Variants in ZNF646 observed in about 807,000 individuals in gnomAD.
The protein encoded by ZNF646 is zinc finger protein 646.
A neutral mutation model predicts 115.4 loss-of-function variants in ZNF646; 49 were observed. That is an observed-to-expected ratio of 0.42 (90% CI 0.34 to 0.54). ZNF646 has a LOEUF of 0.54. Among genes scored for constraint, ZNF646 ranks in the 20% least tolerant of loss-of-function variants. ZNF646 has a pLI of 0.04. For missense variants in ZNF646, 2,269 were observed against 2,457.9 expected (o/e 0.92, Z 1.62); for synonymous variants, 933 against 939.0 (o/e 0.99, Z 0.12).
chr16:31,080,461 G>C lies in ZNF646; in HGVS notation c.4137G>C (p.Leu1379Phe). Residue 1379 changes from leucine to phenylalanine, a missense_variant, in exon 2 of 3, where the codon TTG becomes TTC. By Grantham distance (22) the Leu-to-Phe change is conservative. Transcript: ENST00000300850. ...GCAGCTTCCCTGGCCGGGGATCTTT[G>C]GAGCGGCACCTGCGGGAGCATGAGG... ...CGRSFPGRGSLERHLREHEET... is the reference protein window; with the variant it reads ...CGRSFPGRGSFERHLREHEET... 6.2e-7 allele frequency: 1 copy of C among 1,613,446 alleles called. No homozygotes were observed. Among genetic ancestry groups the C allele is most frequent in the Non-Finnish European group, 8.5e-7 (1 of 1,179,960 alleles).
At position 31,081,375 on chromosome 16, in the gene ZNF646, G is replaced by A. The variant is rs747720125; in HGVS notation, c.5051G>A (p.Arg1684His). The change falls in exon 2 of 3, where the codon CGC (arginine) becomes CAC (histidine). Residue 1684 changes from arginine (R) to histidine (H), a missense_variant. By Grantham distance (29) the Arg-to-His change is conservative. Around this residue, in one of 5 missense-constraint regions of ZNF646, gnomAD observed 1,062 missense variants for 1,172.8 expected, o/e 0.91. Coordinates refer to ENST00000300850, the MANE Select transcript of ZNF646 (RefSeq NM_014699.4). The stretch of plus-strand genomic sequence containing the variant: ...CCCTTCCGCTGCACCCAGTGCGGGC[G>A]CTCCTACCGCCATGCTGGCAGCCTG... ...ERPFRCTQCG[R>H]SYRHAGSLLN... 1.2e-6 allele frequency: 2 copies of A among 1,612,590 alleles called. No individual in the cohort carries two copies. The highest frequency in any genetic ancestry group is 1.1e-5 in the South Asian group (1 of 91,044).
Position 31,083,184 on chromosome 16 carries a change from C to G in ZNF646, c.*92C>G. 4.0e-6 allele frequency: 6 copies of G among 1,500,650 alleles called. No homozygotes were observed. The highest frequency in any genetic ancestry group is 5.3e-6 in the Non-Finnish European group (6 of 1,122,988). The allele number at this position is 1,500,650 out of a possible 1,614,324, so 93.0% of individuals were successfully genotyped here. ...ATTTTCTCAGGAGTAGTTCGGGCAT[C>G]CCCATATCTTCTCCTCTCCCCTTGT... On this transcript the variant is annotated 3_prime_UTR_variant, in exon 3 of 3. Coordinates refer to ENST00000300850, the MANE Select transcript of ZNF646 (RefSeq NM_014699.4).
In ZNF646 at chr16:31,083,950, C is replaced by G; in HGVS notation, c.*858C>G. ...ACTGAGGCTCAAAGCGGTTGAGCAG[C>G]CTGCTCCAAGTCACACGATGACAAA... is the stretch of plus-strand genomic sequence containing the variant. On this transcript the variant is annotated 3_prime_UTR_variant, in exon 3 of 3. Coordinates refer to ENST00000300850, the MANE Select transcript of ZNF646 (RefSeq NM_014699.4). The G allele has an allele frequency of 7.9e-6, 12 of 1,519,198 alleles. No individual in the cohort carries two copies. Among genetic ancestry groups the G allele is most frequent in the Non-Finnish European group, 1.1e-5 (12 of 1,129,534 alleles). The allele number at this position is 1,519,198 out of a possible 1,614,324, so 94.1% of individuals were successfully genotyped here. A position where few individuals can be genotyped will look rare whatever the true frequency, so the allele number is the denominator to read the frequency against.
At position 31,079,027 on chromosome 16, in the gene ZNF646, C is replaced by T. The variant is rs748196292; in HGVS notation, c.2703C>T (p.Arg901=). ...PGRAGYRLHR[R]QAHSSSGMTE... ...GGGCTGGCTACAGGCTTCACCGGCG[C>T]CAGGCCCACAGCTCCTCTGGCATGA... The change falls in exon 2 of 3, where the codon CGC becomes CGT. Residue 901 remains arginine, a synonymous_variant. Transcript: ENST00000300850. The surrounding 1 kb of genome is among the most constrained non-coding windows in gnomAD (Gnocchi z 5.5). 2 of 1,586,444 alleles carry T rather than the reference C, an allele frequency of 1.3e-6. No homozygotes were observed. The highest frequency in any genetic ancestry group is 2.3e-5 in the South Asian group (2 of 88,034).
Position 31,078,141 on chromosome 16 carries a change from G to T in ZNF646, c.1817G>T (p.Arg606Ile). The T allele has an allele frequency of 6.2e-7, 1 of 1,614,088 alleles. No individual in the cohort carries two copies. Among genetic ancestry groups the T allele is most frequent in the South Asian group, 1.1e-5 (1 of 91,080 alleles). Residue 606 changes from arginine (R) to isoleucine (I), a missense_variant, in exon 2 of 3, where the codon AGA becomes ATA. Physicochemically the swap from Arg to Ile is moderately conservative, Grantham distance 97 (BLOSUM62 -3). Around this residue, in one of 5 missense-constraint regions of ZNF646, gnomAD observed 852 missense variants for 900.2 expected, o/e 0.95. Transcript: ENST00000300850. ...GGGGCAGGGGAAAAGGAAAATAGCA[G>T]AACAGAGACCACAATGTCACCTCCT... ...THGAGEKENSRTETTMSPPRA... is the reference protein window; with the variant it reads ...THGAGEKENSITETTMSPPRA...
At chr16:31,073,399 A>G (rs994598481), upstream of ZNF646, 7 of 151,988 alleles carry the variant, frequency 4.6e-5, no homozygotes, top group African/African-American at 1.5e-4. Context: ...GACCCCCGGG[A>G]CCACACCGCG....
chr16:31,077,906 G>A lies in ZNF646; in HGVS notation c.1582G>A (p.Gly528Ser). 6.2e-7 allele frequency: 1 copy of A among 1,613,688 alleles called. No individual in the cohort carries two copies. Among genetic ancestry groups the A allele is most frequent in the Non-Finnish European group, 8.5e-7 (1 of 1,180,000 alleles). Residue 528 changes from glycine (G) to serine (S), a missense_variant, in exon 2 of 3, where the codon GGT (glycine) becomes AGT (serine). This residue lies in a region of ZNF646 where 852 missense variants were observed against 900.2 expected (regional missense o/e 0.95). Transcript: ENST00000300850. ...ARRSADIGAEGAPSHLKVELP... is the reference protein window; with the variant it reads ...ARRSADIGAESAPSHLKVELP... ...CCGAAGTGCAGACATCGGGGCTGAG[G>A]GTGCCCCCAGCCACCTCAAGGTAGA...
At chr16:31,082,022 C>T (rs1331118723) in intron 2 of ZNF646, 2 of 439,272 alleles carry the variant, frequency 4.6e-6, no homozygotes, top group Non-Finnish European at 8.3e-6. Flanking sequence ...CACTGGGTAC[C>T]CCCTGGCTGC....
At position 31,077,329 on chromosome 16, in the gene ZNF646, G is replaced by A. The variant is rs760118160; in HGVS notation, c.1005G>A (p.Gly335=). The A allele has an allele frequency of 7.4e-6, 12 of 1,613,314 alleles. No homozygotes were observed. The South Asian group carries it at 1.2e-4, about 16-fold the overall frequency. The change falls in exon 2 of 3, where the codon GGG becomes GGA. Residue 335 remains glycine (G), a synonymous_variant. Coordinates refer to ENST00000300850, the MANE Select transcript of ZNF646 (RefSeq NM_014699.4). Reference sequence around the variant, plus strand: ...AGAAAGGGATGCCCACCACCAATGGGCACACAGATGAGAGCAGCCAGGACC... The same window carrying A: ...AGAAAGGGATGCCCACCACCAATGGACACACAGATGAGAGCAGCCAGGACC... ...WEEKGMPTTN[G]HTDESSQDQL...
At chr16:31,075,908 A>T (rs1360240230) in intron 1 of ZNF646, 1 of 164,452 alleles carries the variant, frequency 6.1e-6, no homozygotes, top group African/African-American at 2.4e-5. Flanking sequence ...TAGGGAGCAG[A>T]TTCCTACTGT....
Position 31,076,786 on chromosome 16 carries a change from T to A in ZNF646, c.462T>A (p.Pro154=), listed in dbSNP as rs1236823206. ...TEETPDCESV[P]DPRAASGTWE... is the part of the protein sequence containing the mutation. ...AGACACCTGACTGTGAATCTGTACCTGACCCCAGGGCAGCTTCGGGTACGT... is the reference window on the plus strand; with the variant it reads ...AGACACCTGACTGTGAATCTGTACCAGACCCCAGGGCAGCTTCGGGTACGT... Residue 154 remains proline (P), a synonymous_variant, in exon 2 of 3, where the codon CCT becomes CCA. Coordinates refer to ENST00000300850, the MANE Select transcript of ZNF646 (RefSeq NM_014699.4). 6.2e-7 allele frequency: 1 copy of A among 1,613,838 alleles called. No homozygotes were observed. The highest frequency in any genetic ancestry group is 1.3e-5 in the African/African-American group (1 of 74,920).
At position 31,079,062 on chromosome 16, in the gene ZNF646, C is replaced by T. The variant is rs1202254473; in HGVS notation, c.2738C>T (p.Ser913Leu). 2 of 1,577,422 alleles carry T rather than the reference C, an allele frequency of 1.3e-6. No individual in the cohort carries two copies. Among genetic ancestry groups the T allele is most frequent in the South Asian group, 1.2e-5 (1 of 86,368 alleles). The change falls in exon 2 of 3, where the codon TCA becomes TTA. Residue 913 changes from serine (S) to leucine (L), a missense_variant. Coordinates refer to ENST00000300850, the MANE Select transcript of ZNF646 (RefSeq NM_014699.4). This position sits in a 1 kb window ranked among gnomAD's most constrained non-coding sequence, Gnocchi z 5.5. ...AHSSSGMTEG[S>L]EEEGEEEGVA... is the part of the protein sequence containing the mutation. ...AGCTCCTCTGGCATGACTGAGGGCT[C>T]AGAGGAGGAGGGGGAAGAGGAAGGA...
At chr16:31,074,900 G>A (rs909404015) in intron 1 of ZNF646, 1 of 151,984 alleles carries the variant, frequency 6.6e-6, no homozygotes, top group Admixed American at 6.5e-5. Flanking sequence ...ATGGGAAGAA[G>A]AGTCAGAGTT....
rs200385275 is a variant in ZNF646 at position 31,077,842 on chromosome 16, C to T, written c.1518C>T (p.Ala506=). The part of the protein sequence containing the change: ...LCPRKYPNLM[A]LRNHVRVHCK... ...CCCGCAAGTACCCCAATCTCATGGCCCTGCGCAACCACGTGCGGGTACATT... is the reference window on the plus strand; with the variant it reads ...CCCGCAAGTACCCCAATCTCATGGCTCTGCGCAACCACGTGCGGGTACATT... The change falls in exon 2 of 3, where the codon GCC becomes GCT. Residue 506 remains alanine, a synonymous_variant. Transcript: ENST00000300850. 6.2e-7 allele frequency: 1 copy of T among 1,613,856 alleles called. No individual in the cohort carries two copies. Among genetic ancestry groups the T allele is most frequent in the East Asian group, 2.2e-5 (1 of 44,880 alleles).
In ZNF646 at chr16:31,083,615, C is replaced by G; in HGVS notation, c.*523C>G. ...TGGGAGTGTCCACAGACACCCCTGTCCTGCAGGGTGGGGAGTGGGCACCTG... is the reference window on the plus strand; with the variant it reads ...TGGGAGTGTCCACAGACACCCCTGTGCTGCAGGGTGGGGAGTGGGCACCTG... On this transcript the variant is annotated 3_prime_UTR_variant, in exon 3 of 3. Transcript: ENST00000300850. 6.7e-7 allele frequency: 1 copy of G among 1,500,024 alleles called. No individual in the cohort carries two copies. The highest frequency in any genetic ancestry group is 8.9e-7 in the Non-Finnish European group (1 of 1,119,532). The allele number at this position is 1,500,024 out of a possible 1,614,324, so 92.9% of individuals were successfully genotyped here.
At position 31,077,419 on chromosome 16, in the gene ZNF646, C is replaced by G; in HGVS notation, c.1095C>G (p.Asp365Glu). Residue 365 changes from aspartate (D) to glutamate (E), a missense_variant, in exon 2 of 3, where the codon GAC (aspartate) becomes GAG (glutamate). Transcript: ENST00000300850. ...AELSTSGELEDSGLEEYRPFR... is the reference protein window; with the variant it reads ...AELSTSGELEESGLEEYRPFR... ...TCAGCACCTCTGGGGAGCTGGAGGA[C>G]AGTGGCCTGGAGGAATACCGGCCTT... 1 of 1,613,004 alleles carries G rather than the reference C, an allele frequency of 6.2e-7. No individual in the cohort carries two copies. Among genetic ancestry groups the G allele is most frequent in the Non-Finnish European group, 8.5e-7 (1 of 1,179,772 alleles).
At position 31,078,829 on chromosome 16, in the gene ZNF646, C is replaced by A. The variant is rs2057114850; in HGVS notation, c.2505C>A (p.Gly835=). 1 of 1,613,890 alleles carries A rather than the reference C, an allele frequency of 6.2e-7. No homozygotes were observed. Among genetic ancestry groups the A allele is most frequent in the African/African-American group, 1.3e-5 (1 of 74,938 alleles). Residue 835 remains glycine (G), a synonymous_variant, in exon 2 of 3, where the codon GGC becomes GGA. Coordinates refer to ENST00000300850, the MANE Select transcript of ZNF646 (RefSeq NM_014699.4). ...GGCATTCTTTCCCCCATGCCACTGGCCTGCTGAGCCACAGGCCCTGCCACC... is the reference window on the plus strand; with the variant it reads ...GGCATTCTTTCCCCCATGCCACTGGACTGCTGAGCCACAGGCCCTGCCACC... ...DCGHSFPHAT[G]LLSHRPCHPP... is the part of the protein sequence containing the mutation.
Position 31,083,317 on chromosome 16 carries a change from A to C in ZNF646, c.*225A>C. 1 of 968,374 alleles carries C rather than the reference A, an allele frequency of 1.0e-6. No homozygotes were observed. Among genetic ancestry groups the C allele is most frequent in the Non-Finnish European group, 1.5e-6 (1 of 687,984 alleles). The allele number at this position is 968,374 out of a possible 1,614,324, so 60.0% of individuals were successfully genotyped here. ...CCAGCCTCATCACCGTGCTCTTCTC[A>C]GCGCCACCCTCAGCAGCCAGATTGC... On this transcript the variant is annotated 3_prime_UTR_variant, in exon 3 of 3. Transcript: ENST00000300850.
rs768387457 is a variant in ZNF646 at position 31,080,605 on chromosome 16, C to T, written c.4281C>T (p.Pro1427=). Residue 1427 remains proline (P), a synonymous_variant, in exon 2 of 3, where the codon CCC becomes CCT. Transcript: ENST00000300850. ...AATTGGGTGGTGCTGAGCCAGTACC[C>T]CACTTGGAGGATGGAGTCCCAAGGC... ...ETQLGGAEPV[P]HLEDGVPRPG... 6.2e-7 allele frequency: 1 copy of T among 1,614,106 alleles called. No homozygotes were observed. Among genetic ancestry groups the T allele is most frequent in the South Asian group, 1.1e-5 (1 of 91,090 alleles).
Sources: allele counts gnomAD v4.1 joint callset, GRCh38; gene constraint gnomAD v4.1.1; regional missense constraint gnomAD v4.1.1; non-coding constraint Gnocchi (gnomAD v3.1); transcripts MANE v1.5; gene names NCBI Gene and HGNC (gene_info 2026-07-23, HGNC 2026-07-21).